PPM1M: variants seen among roughly 807,000 people sequenced by gnomAD.
PPM1M encodes the protein protein phosphatase, Mg2+/Mn2+ dependent 1M.
PPM1M carries 44 observed loss-of-function variants against 50.8 expected under a neutral mutation model. The ratio of observed to expected loss-of-function variants is 0.87; its 90% CI spans 0.68 to 1.11. PPM1M has a LOEUF of 1.11. Among genes scored for constraint, PPM1M ranks in the 50% most tolerant of loss-of-function variants. PPM1M has a pLI of 0.00. For missense variants in PPM1M, 556 were observed against 593.4 expected, an observed-to-expected ratio of 0.94 and a Z score of 0.66; for synonymous variants, 224 against 242.9, an observed-to-expected ratio of 0.92 and a Z score of 0.72.
Position 52,249,009 on chromosome 3 carries a change from CAG to C in PPM1M, c.1035_1036del (p.Arg345SerfsTer32), listed in dbSNP as rs1559448453. The stretch of plus-strand genomic sequence containing the variant: ...CCCGGGGCCTGGGAGACCATCAGCT[CAG>C]AGTCCTGGACACAAACATCCAGCTC... ...VSRGLGDHQLRVLDTNIQLKP... is the reference protein window; with the variant it reads ...VSRGLGDHQLXVLDTNIQLKP... On this transcript the variant is annotated frameshift_variant, in exon 8 of 10. Transcript: ENST00000323588. LOFTEE classifies it high-confidence loss of function. 1 of 1,611,450 alleles carries C rather than the reference CAG, an allele frequency of 6.2e-7. No homozygotes were observed. The highest frequency in any genetic ancestry group is 1.1e-5 in the South Asian group (1 of 90,486).
chr3:52,250,300 C>A lies in PPM1M; in HGVS notation c.*486C>A. 1 of 164,052 alleles carries A rather than the reference C, an allele frequency of 6.1e-6. No individual in the cohort carries two copies. The allele number at this position is 164,052 out of a possible 1,614,324, so 10.2% of individuals were successfully genotyped here. A position where few individuals can be genotyped will look rare whatever the true frequency, so the allele number is the denominator to read the frequency against. The stretch of plus-strand genomic sequence containing the variant: ...AAACCTTTGGGCAGCCTCATGTCTG[C>A]TAAAACAGCCATCTTCAAGACAGCC... On this transcript the variant is annotated 3_prime_UTR_variant, in exon 10 of 10. Transcript: ENST00000323588.
chr3:52,248,660 C>G lies in PPM1M; in HGVS notation c.938C>G (p.Ser313Trp), dbSNP rs776351153. The G allele has an allele frequency of 1.2e-6, 2 of 1,613,842 alleles. No individual in the cohort carries two copies. The highest frequency in any genetic ancestry group is 1.7e-6 in the Non-Finnish European group (2 of 1,179,830). ...SGWSYKRVEK[S>W]DLKYPLIHGQ... ...AGGAGCTACAAACGTGTGGAGAAATCGGATCTCAAGTACCCACTGATCCAT... is the reference window on the plus strand; with the variant it reads ...AGGAGCTACAAACGTGTGGAGAAATGGGATCTCAAGTACCCACTGATCCAT... The change falls in exon 7 of 10, where the codon TCG (serine) becomes TGG (tryptophan). Residue 313 changes from serine (S) to tryptophan (W), a missense_variant. Physicochemically the swap from Ser to Trp is radical, Grantham distance 177 (BLOSUM62 -3). Coordinates refer to ENST00000323588, the MANE Select transcript of PPM1M (RefSeq NM_144641.4).
intron 9 of PPM1M, 160 bp from the exon 10 acceptor site, chr3:52,249,510 G>A (rs183500038): frequency 6.2e-5 from 79 of 1,265,286 alleles, no homozygotes; most frequent in Non-Finnish European, 8.4e-5. Flanking sequence ...GACTCTCATG[G>A]TCCAGCCCGT....
rs1414473774 is a variant in PPM1M at position 52,250,596 on chromosome 3, A to T, written c.*782A>T. 2.0e-5 allele frequency: 3 copies of T among 152,332 alleles called. No homozygotes were observed. The highest frequency in any genetic ancestry group is 4.4e-5 in the Non-Finnish European group (3 of 68,110). 9.4% of individuals were successfully genotyped at this position (152,332 alleles called of 1,614,324 possible). On this transcript the variant is annotated 3_prime_UTR_variant, in exon 10 of 10. Transcript: ENST00000323588. Reference sequence around the variant, plus strand: ...CCCTATTATTAAATGTTTTCTACAGAAGAGCCTTGTGAGTCATGAATTGCT... The same window carrying T: ...CCCTATTATTAAATGTTTTCTACAGTAGAGCCTTGTGAGTCATGAATTGCT...
chr3:52,249,367 G>C, intron 9 of PPM1M, 45 bp downstream of exon 9: 2 of 1,561,190 alleles, frequency 1.3e-6, no homozygotes, highest in Non-Finnish European at 1.7e-6. Flanking sequence ...GTTGGTGCCA[G>C]CAGCAAGCCC....
chr3:52,247,233 G>T lies in PPM1M; in HGVS notation c.597+5G>T. On this transcript the variant is annotated splice_donor_5th_base_variant and intron_variant, in intron 3 of 9. Coordinates refer to ENST00000323588, the MANE Select transcript of PPM1M (RefSeq NM_144641.4). ...GAGAGTGCCTTTCAGGAATGTGTGA[G>T]TGTGTGGCTTTTGGCTGGGGAAGAA... 1 of 1,607,786 alleles carries T rather than the reference G, an allele frequency of 6.2e-7. No individual in the cohort carries two copies. Among genetic ancestry groups the T allele is most frequent in the African/African-American group, 1.3e-5 (1 of 74,964 alleles).
chr3:52,249,842 C>T lies in PPM1M; in HGVS notation c.*28C>T. 6.3e-7 allele frequency: 1 copy of T among 1,596,894 alleles called. No individual in the cohort carries two copies. The highest frequency in any genetic ancestry group is 1.1e-5 in the South Asian group (1 of 89,998). On this transcript the variant is annotated 3_prime_UTR_variant, in exon 10 of 10. Coordinates refer to ENST00000323588, the MANE Select transcript of PPM1M (RefSeq NM_144641.4). The stretch of plus-strand genomic sequence containing the variant: ...ATTCAGACACTGTATCCCAGAACTG[C>T]TCTAGTGCCCGGGTGTGGTCTGGGC...
rs1264600424 is a variant in PPM1M, at chr3:52,248,655, GA to G, written c.936del (p.Lys312AsnfsTer8). ...CTGGTAGGAGCTACAAACGTGTGGA[GA>G]AATCGGATCTCAAGTACCCACTGAT... ...MSGWSYKRVE[K>X]SDLKYPLIHG... On this transcript the variant is annotated frameshift_variant, in exon 7 of 10. Transcript: ENST00000323588. LOFTEE classifies it high-confidence loss of function. 1 of 1,613,946 alleles carries G rather than the reference GA, an allele frequency of 6.2e-7. No homozygotes were observed.
intron 6 of PPM1M, 90 bp downstream of exon 6, chr3:52,248,543 G>T: frequency 6.3e-7 from 1 of 1,587,250 alleles, no homozygotes; most frequent in Non-Finnish European, 8.7e-7. Flanking sequence ...CCTTGGCAGG[G>T]TGGCACTGTG....
rs778393746 is a variant in PPM1M at position 52,248,168 on chromosome 3, G to T, written c.726G>T (p.Arg242=). The change falls in exon 5 of 10, where the codon CGG becomes CGT. Residue 242 remains arginine (R), a synonymous_variant. Coordinates refer to ENST00000323588, the MANE Select transcript of PPM1M (RefSeq NM_144641.4). ...NAGDSRAILV[R]RDEIRPLSFE... is the part of the protein sequence containing the mutation. Reference sequence around the variant, plus strand: ...CTCAATCCAGGGCCATCTTGGTGCGGAGAGATGAGATACGGCCACTGAGCT... The same window carrying T: ...CTCAATCCAGGGCCATCTTGGTGCGTAGAGATGAGATACGGCCACTGAGCT... 2.5e-6 allele frequency: 4 copies of T among 1,612,598 alleles called. No homozygotes were observed. Among genetic ancestry groups the T allele is most frequent in the Non-Finnish European group, 3.4e-6 (4 of 1,179,388 alleles).
rs374330748 is a variant in PPM1M, at chr3:52,248,247, C to G, written c.795+10C>G. Reference sequence around the variant, plus strand: ...GCGGATCCAGCAGCTGGTAGGTGCCCTTGGCAGCATGGAGGCTGTGAAGCT... The same window carrying G: ...GCGGATCCAGCAGCTGGTAGGTGCCGTTGGCAGCATGGAGGCTGTGAAGCT... On this transcript the variant is annotated intron_variant, in intron 5 of 9. Coordinates refer to ENST00000323588, the MANE Select transcript of PPM1M (RefSeq NM_144641.4). 1.9e-6 allele frequency: 3 copies of G among 1,612,152 alleles called. No individual in the cohort carries two copies. The highest frequency in any genetic ancestry group is 2.5e-6 in the Non-Finnish European group (3 of 1,179,102).
At chr3:52,248,259 G>T (rs1271848541) in intron 5 of PPM1M, 22 bp downstream of exon 5, 11 of 1,610,768 alleles carry the variant, frequency 6.8e-6, no homozygotes, top group Admixed American at 5.0e-5. Flanking sequence ...TGGCAGCATG[G>T]AGGCTGTGAA....
intron 9 of PPM1M, 121 bp from the exon 10 acceptor site, chr3:52,249,549 T>C (rs898242523): frequency 6.9e-7 from 1 of 1,445,666 alleles, no homozygotes. Flanking sequence ...GCTTGCTTGG[T>C]CCACAGTCGG....
rs1422823816 is a variant in PPM1M at position 52,249,860 on chromosome 3, G to C, written c.*46G>C. 6.4e-7 allele frequency: 1 copy of C among 1,569,504 alleles called. No individual in the cohort carries two copies. The highest frequency in any genetic ancestry group is 8.7e-7 in the Non-Finnish European group (1 of 1,151,108). On this transcript the variant is annotated 3_prime_UTR_variant, in exon 10 of 10. Transcript: ENST00000323588. ...AGAACTGCTCTAGTGCCCGGGTGTG[G>C]TCTGGGCATCCCTCCAGTGTGACCA...
intron 3 of PPM1M, 46 bp from the exon 4 acceptor site, chr3:52,247,636 T>A: frequency 1.6e-6 from 2 of 1,245,590 alleles, no homozygotes; most frequent in Non-Finnish European, 2.3e-6. Context: ...CAAAGTAGTA[T>A]GGTGGCAGAA....
chr3:52,249,793 C>T lies in PPM1M; in HGVS notation c.1359C>T (p.Gly453=). ...SVFVIPLHSQ[G]QESSDH Reference sequence around the variant, plus strand: ...TCGTGATTCCCTTGCACAGTCAGGGCCAAGAGAGCAGTGACCACTGAGGAT... The same window carrying T: ...TCGTGATTCCCTTGCACAGTCAGGGTCAAGAGAGCAGTGACCACTGAGGAT... The change falls in exon 10 of 10, where the codon GGC becomes GGT. Residue 453 remains glycine (G), a synonymous_variant. Coordinates refer to ENST00000323588, the MANE Select transcript of PPM1M (RefSeq NM_144641.4). The T allele has an allele frequency of 6.2e-7, 1 of 1,613,504 alleles. No individual in the cohort carries two copies. The highest frequency in any genetic ancestry group is 1.7e-5 in the Admixed American group (1 of 59,978).
intron 4 of PPM1M, among the ~76,000 whole-genome samples, 160 bp downstream of exon 4, chr3:52,247,954 G>A (rs1043403193): frequency 3.9e-5 from 6 of 152,190 alleles, no homozygotes; most frequent in Non-Finnish European, 5.9e-5. Flanking sequence ...AGTGGCTGCC[G>A]GGGAGGGCAG....
intron 3 of PPM1M, 112 bp downstream of exon 3, chr3:52,247,340 G>A: frequency 1.4e-6 from 2 of 1,437,298 alleles, no homozygotes; most frequent in South Asian, 1.4e-5. Flanking sequence ...GGATTGGGAG[G>A]ATGAGATTGG....
At chr3:52,249,462 G>A in intron 9 of PPM1M, 140 bp downstream of exon 9, 9 of 1,299,368 alleles carry the variant, frequency 6.9e-6, no homozygotes, top group South Asian at 1.3e-5. Flanking sequence ...TCTTGGAGGA[G>A]GCAGGGAGAC....
Sources: allele counts gnomAD v4.1 joint callset (sites outside exome capture counted in the v4.1 genomes callset), GRCh38; gene constraint gnomAD v4.1.1; transcripts MANE v1.5; gene names NCBI Gene and HGNC (gene_info 2026-07-23, HGNC 2026-07-21).